Variants in DGLUCY observed in about 807,000 individuals in gnomAD.
DGLUCY encodes the protein D-glutamate cyclase, also known as D-glutamate cyclase, mitochondrial.
A neutral mutation model predicts 58.5 loss-of-function variants in DGLUCY; 58 were observed. The ratio of observed to expected loss-of-function variants is 0.99; its 90% CI spans 0.80 to 1.23. The LOEUF is 1.23. Among genes scored for constraint, DGLUCY ranks in the 50% most tolerant of loss-of-function variants. The probability of loss-of-function intolerance (pLI) is 0.00; values close to 1 mark genes in which losing one functional copy is unlikely to be tolerated. For synonymous variants in DGLUCY, 325 were observed against 314.1 expected (o/e 1.03, Z -0.37); for missense variants, 779 against 784.7 (o/e 0.99, Z 0.09).
intron 1 of DGLUCY, among the ~76,000 whole-genome samples, chr14:91,073,686 G>A (rs1481578686): frequency 1.3e-5 from 2 of 152,026 alleles, no homozygotes; most frequent in Non-Finnish European, 2.9e-5. Context: ...GGACCAAGTG[G>A]AAAGGCCCTG....
At chr14:91,215,681 G>T (rs1230888419) in intron 13 of DGLUCY, 125 bp downstream of exon 13, 3 of 1,580,778 alleles carry the variant, frequency 1.9e-6, no homozygotes, top group Non-Finnish European at 2.6e-6. Context: ...CAGAGGCAGA[G>T]CCAGCCTTGA....
chr14:91,217,483 CTTTT>C (rs11306803), intron 13 of DGLUCY, among the ~76,000 whole-genome samples: 9,733 of 123,118 alleles, frequency 0.079, 377 homozygotes, highest in African/African-American at 0.12. Flanking sequence ...CCTTTTCTGT[CTTTT>C]TTTTTTTTTT....
chr14:91,158,712 C>T (rs1416233752), intron 2 of DGLUCY: 2 of 152,186 alleles, frequency 1.3e-5, no homozygotes, highest in Non-Finnish European at 2.9e-5. Flanking sequence ...GAACTCCCAC[C>T]TTTGTGCCAC....
In DGLUCY at chr14:91,174,529, C is replaced by T. The variant is rs573945917; in HGVS notation, c.607+1090C>T. Reference sequence around the variant, plus strand: ...CCATGTTGGCCAGGCTGGTCTTGAACGCCTGGCCTCAAGTGGTCTGCCCGT... The same window carrying T: ...CCATGTTGGCCAGGCTGGTCTTGAATGCCTGGCCTCAAGTGGTCTGCCCGT... On this transcript the variant is annotated intron_variant, in intron 6 of 13. Coordinates refer to ENST00000256324, the MANE Select transcript of DGLUCY (RefSeq NM_001102368.3). 3.9e-5 allele frequency among the ~76,000 whole-genome samples: 6 copies of T among 152,224 alleles called. No individual in the cohort carries two copies. In the East Asian group the frequency reaches 7.7e-4, roughly 20 times the overall value.
intron 1 of DGLUCY, among the ~76,000 whole-genome samples, chr14:91,157,119 GTGGATGGATGGATGGATGGA>G (rs57118948): frequency 4.6e-5 from 6 of 131,054 alleles, no homozygotes; most frequent in South Asian, 2.6e-4. Context: ...GGATGGATGG[GTGGATGGATGGATGGATGGA>G]TGGATGGATG....
intron 12 of DGLUCY, among the ~76,000 whole-genome samples, chr14:91,207,312 A>G (rs1252438302): frequency 6.8e-6 from 1 of 147,542 alleles, no homozygotes; most frequent in Admixed American, 6.8e-5. Context: ...GCCAAAACTG[A>G]AAAAAAAGCA....
At chr14:91,120,891 G>A (rs1566949853) in intron 1 of DGLUCY, among the ~76,000 whole-genome samples, 1 of 152,176 alleles carries the variant, frequency 6.6e-6, no homozygotes, top group African/African-American at 2.4e-5. Flanking sequence ...TCTGAGGGAT[G>A]TTCTTCTTCA....
At chr14:91,206,877 A>G (rs1392446215) in intron 12 of DGLUCY, among the ~76,000 whole-genome samples, 1 of 152,176 alleles carries the variant, frequency 6.6e-6, no homozygotes, top group Non-Finnish European at 1.5e-5. Context: ...TTCACTGCAA[A>G]AAATAGGCAA....
chr14:91,173,527 G>A (rs1296385397), intron 6 of DGLUCY, 88 bp downstream of exon 6: 10 of 1,438,196 alleles, frequency 7.0e-6, no homozygotes, highest in Admixed American at 5.6e-5. Context: ...TGATCCCCCT[G>A]TTCACATCGG....
Position 91,224,681 on chromosome 14 carries a change from C to T in DGLUCY, c.1717-3C>T. The T allele has an allele frequency of 6.3e-7, 1 of 1,580,536 alleles. No homozygotes were observed. The highest frequency in any genetic ancestry group is 8.6e-7 in the Non-Finnish European group (1 of 1,157,332). ...CTTCTATTTCTGCCCTATTTTTTTC[C>T]AGGAAGAAAAAATGCTGGGCATCTT... On this transcript the variant is annotated splice_region_variant and splice_polypyrimidine_tract_variant and intron_variant, in intron 13 of 13. Coordinates refer to ENST00000256324, the MANE Select transcript of DGLUCY (RefSeq NM_001102368.3).
intron 8 of DGLUCY, among the ~76,000 whole-genome samples, chr14:91,181,844 A>G (rs1032200909): frequency 4.0e-5 from 6 of 151,576 alleles, no homozygotes; most frequent in Non-Finnish European, 8.8e-5. Context: ...ACAGGATTTC[A>G]CCATGTTGGC....
intron 1 of DGLUCY, among the ~76,000 whole-genome samples, chr14:91,092,300 C>T (rs1044824830): frequency 4.6e-5 from 7 of 152,196 alleles, no homozygotes; most frequent in African/African-American, 1.7e-4. Flanking sequence ...CACTCCCCCA[C>T]CATGGTGCTT....
intron 12 of DGLUCY, among the ~76,000 whole-genome samples, chr14:91,209,257 G>A (rs1281985809): frequency 4.0e-5 from 6 of 151,072 alleles, no homozygotes; most frequent in East Asian, 2.0e-4. Flanking sequence ...AGTGAGATTC[G>A]GTCTCAAAAC....
At chr14:91,158,940 C>T (rs540159301) in intron 2 of DGLUCY, 1 of 150,338 alleles carries the variant, frequency 6.7e-6, no homozygotes, top group Admixed American at 6.6e-5. Context: ...AGTGGTCCTT[C>T]CACCTCAACC....
At chr14:91,197,571 GGCAACC>G (rs1167143450) in intron 10 of DGLUCY, among the ~76,000 whole-genome samples, 2 of 152,140 alleles carry the variant, frequency 1.3e-5, no homozygotes, top group Non-Finnish European at 2.9e-5. Flanking sequence ...CCCAGCCTCT[GGCAACC>G]ACAATTCTAC....
At chr14:91,168,142 C>T (rs1162254644) in intron 4 of DGLUCY, among the ~76,000 whole-genome samples, 3 of 151,884 alleles carry the variant, frequency 2.0e-5, no homozygotes, top group African/African-American at 7.3e-5. Flanking sequence ...TAGCGGTGCA[C>T]ACCTGTGGTC....
intron 3 of DGLUCY, among the ~76,000 whole-genome samples, chr14:91,166,202 C>T (rs1442173489): frequency 6.6e-6 from 1 of 152,168 alleles, no homozygotes; most frequent in African/African-American, 2.4e-5. Flanking sequence ...TGGGTGCATT[C>T]ATTTCATGGC....
rs1465768393 is a variant in DGLUCY, at chr14:91,224,786, G to T, written c.1819G>T (p.Ala607Ser). 6.2e-7 allele frequency: 1 copy of T among 1,613,520 alleles called. No individual in the cohort carries two copies. The highest frequency in any genetic ancestry group is 1.7e-5 in the Admixed American group (1 of 59,988). ...TGGGCTGCCCTTCCACAACACCCAC[G>T]CCGAGATGATCCAGAAGCTGGTGGA... ...VDGLPFHNTH[A>S]EMIQKLVDVT... Residue 607 changes from alanine to serine, a missense_variant, in exon 14 of 14, where the codon GCC (alanine) becomes TCC (serine). By Grantham distance (99) the Ala-to-Ser change is moderately conservative. Transcript: ENST00000256324.
chr14:91,115,669 C>G (rs1057337579), intron 1 of DGLUCY, among the ~76,000 whole-genome samples: 6 of 152,306 alleles, frequency 3.9e-5, no homozygotes, highest in Admixed American at 3.9e-4. Context: ...CCTGGCCTCC[C>G]AAAGTGCTGG....
Sources: allele counts gnomAD v4.1 joint callset (sites outside exome capture counted in the v4.1 genomes callset), GRCh38; gene constraint gnomAD v4.1.1; transcripts MANE v1.5; gene names NCBI Gene and HGNC (gene_info 2026-07-23, HGNC 2026-07-21).